Variants in TGFBR3 observed in about 807,000 individuals in gnomAD.
TGFBR3 encodes the protein transforming growth factor beta receptor 3.
A neutral mutation model predicts 87.9 loss-of-function variants in TGFBR3; 46 were observed. The observed-to-expected ratio is 0.52, with a 90% CI of 0.41 to 0.67. The LOEUF is 0.67. TGFBR3 is among the 30% of genes least tolerant of loss of function. The pLI is 0.00. For missense variants in TGFBR3, 866 were observed against 1,041.9 expected (o/e 0.83, Z 2.32); for synonymous variants, 381 against 391.6 (o/e 0.97, Z 0.32).
chr1:91,823,801 T>C (rs1306295893), intron 2 of TGFBR3, among the ~76,000 whole-genome samples: 1 of 152,246 alleles, frequency 6.6e-6, no homozygotes, highest in Non-Finnish European at 1.5e-5. Flanking sequence ...CACAGGCATA[T>C]GTATTCATTA....
chr1:91,770,108 A>T (rs1413053907), intron 3 of TGFBR3, among the ~76,000 whole-genome samples: 1 of 152,196 alleles, frequency 6.6e-6, no homozygotes, highest in Non-Finnish European at 1.5e-5. Flanking sequence ...AGAAACTCAT[A>T]GCACATTTTC....
Position 91,712,342 on chromosome 1 carries a change from G to T in TGFBR3, c.2067C>A (p.Ser689Arg), listed in dbSNP as rs1380270562. Residue 689 changes from serine to arginine, a missense_variant, in exon 13 of 17, where the codon AGC (serine) becomes AGA (arginine). Coordinates refer to ENST00000212355, the MANE Select transcript of TGFBR3 (RefSeq NM_003243.5). ...PQADMDKKRF[S>R]FVFKPVFNTS... is the part of the protein sequence containing the mutation. ...TGTTGAAGACAGGCTTGAAGACAAAGCTGAATCGCTTCTTATCCATGTCAG... is the reference window on the plus strand; with the variant it reads ...TGTTGAAGACAGGCTTGAAGACAAATCTGAATCGCTTCTTATCCATGTCAG... 3 of 1,614,082 alleles carry T rather than the reference G, an allele frequency of 1.9e-6. No individual in the cohort carries two copies. Among genetic ancestry groups the T allele is most frequent in the Non-Finnish European group, 2.5e-6 (3 of 1,180,016 alleles).
At chr1:91,730,016 C>T (rs1251904107) in intron 5 of TGFBR3, 43 bp from the exon 6 acceptor site, 43 of 1,610,274 alleles carry the variant, frequency 2.7e-5, no homozygotes, top group Non-Finnish European at 3.5e-5. Flanking sequence ...CTGAGGTACT[C>T]GGTAACCAGA....
At chr1:91,880,726 T>A (rs899657433) in intron 1 of TGFBR3, among the ~76,000 whole-genome samples, 12 of 152,004 alleles carry the variant, frequency 7.9e-5, no homozygotes, top group African/African-American at 2.9e-4. Flanking sequence ...AGCTAATAAA[T>A]CTGACAGCCA....
upstream of TGFBR3, among the ~76,000 whole-genome samples, chr1:91,887,262 T>TTTTG (rs1165045165): frequency 5.6e-5 from 7 of 125,210 alleles, 1 homozygote; most frequent in African/African-American, 2.1e-4. Context: ...TTTTTTTTTT[T>TTTTG]TGAGATGGAG....
At chr1:91,756,887 G>A (rs1673765678) in intron 4 of TGFBR3, among the ~76,000 whole-genome samples, 2 of 151,948 alleles carry the variant, frequency 1.3e-5, no homozygotes, top group African/African-American at 4.8e-5. Flanking sequence ...TGAATGATCT[G>A]ACCTTTTAGC....
chr1:91,737,037 G>A (rs758910290), intron 4 of TGFBR3, among the ~76,000 whole-genome samples: 13 of 152,346 alleles, frequency 8.5e-5, no homozygotes, highest in Admixed American at 6.5e-5. Flanking sequence ...GAGCGATGCC[G>A]TGATGAAGCT....
intron 2 of TGFBR3, among the ~76,000 whole-genome samples, chr1:91,892,680 C>T (rs1044323824): frequency 1.3e-5 from 2 of 152,192 alleles, no homozygotes; most frequent in African/African-American, 4.8e-5. Context: ...GGCACCATCT[C>T]ATCCTCGGAT....
chr1:91,828,703 A>C (rs756020504), intron 2 of TGFBR3, among the ~76,000 whole-genome samples: 5 of 152,158 alleles, frequency 3.3e-5, no homozygotes, highest in Non-Finnish European at 7.3e-5. Context: ...CACACTACTA[A>C]AGTTAAGGAG....
chr1:91,742,357 G>A (rs575362416), intron 4 of TGFBR3, among the ~76,000 whole-genome samples: 1 of 152,338 alleles, frequency 6.6e-6, no homozygotes, highest in African/African-American at 2.4e-5. Context: ...TGGGCATGAA[G>A]CAAGGACCCA....
chr1:91,749,977 C>T (rs1272765673), intron 4 of TGFBR3, among the ~76,000 whole-genome samples: 1 of 152,200 alleles, frequency 6.6e-6, no homozygotes, highest in African/African-American at 2.4e-5. Flanking sequence ...CCAGATTAGC[C>T]TTAGACAATA....
At chr1:91,729,156 C>T (rs1188660703) in intron 6 of TGFBR3, among the ~76,000 whole-genome samples, 46 of 59,724 alleles carry the variant, frequency 7.7e-4, no homozygotes, top group African/African-American at 3.2e-3. Flanking sequence ...AGCATACACA[C>T]ACACACACAC....
At chr1:91,724,191 GA>G (rs1233914528) in intron 7 of TGFBR3, among the ~76,000 whole-genome samples, 1 of 151,774 alleles carries the variant, frequency 6.6e-6, no homozygotes, top group East Asian at 1.9e-4. Flanking sequence ...CTCCAATTCA[GA>G]AAAAAACTCC....
At position 91,683,657 on chromosome 1, in the gene TGFBR3, G is replaced by A; in HGVS notation, c.*82C>T. The A allele has an allele frequency of 8.6e-7, 1 of 1,157,858 alleles. No individual in the cohort carries two copies. The highest frequency in any genetic ancestry group is 1.2e-6 in the Non-Finnish European group (1 of 808,170). The allele number at this position is 1,157,858 out of a possible 1,614,324, so 71.7% of individuals were successfully genotyped here. A position where few individuals can be genotyped will look rare whatever the true frequency, so the allele number is the denominator to read the frequency against. ...TCCAGCCCTCTGAGTCTGGACACGA[G>A]GCTCAGCCATTGGTCCTGCCCTTGG... On this transcript the variant is annotated 3_prime_UTR_variant, in exon 17 of 17. Coordinates refer to ENST00000212355, the MANE Select transcript of TGFBR3 (RefSeq NM_003243.5).
chr1:91,860,870 T>A (rs567021411), intron 2 of TGFBR3, among the ~76,000 whole-genome samples: 1 of 129,464 alleles, frequency 7.7e-6, no homozygotes, highest in Non-Finnish European at 1.5e-5. Context: ...AGGAGGAGGT[T>A]GCAGTGAGCC....
intron 2 of TGFBR3, among the ~76,000 whole-genome samples, chr1:91,851,267 G>C (rs887854800): frequency 6.6e-6 from 1 of 152,152 alleles, no homozygotes; most frequent in Non-Finnish European, 1.5e-5. Context: ...CAGCCCTCTA[G>C]AATTCCACCT....
rs373481752 is a variant in TGFBR3 at position 91,758,754 on chromosome 1, G to A, written c.247-4C>T. 21 of 1,613,722 alleles carry A rather than the reference G, an allele frequency of 1.3e-5. No homozygotes were observed. Among genetic ancestry groups the A allele is most frequent in the Non-Finnish European group, 1.7e-5 (20 of 1,179,856 alleles). ...TGGGATTCAGGTGAAGTGTGACCTAGGAAGCAACAGAAAGAGGGCAGAAAT... is the reference window on the plus strand; with the variant it reads ...TGGGATTCAGGTGAAGTGTGACCTAAGAAGCAACAGAAAGAGGGCAGAAAT... On this transcript the variant is annotated splice_polypyrimidine_tract_variant and splice_region_variant and intron_variant, in intron 3 of 16. Coordinates refer to ENST00000212355, the MANE Select transcript of TGFBR3 (RefSeq NM_003243.5).
intron 2 of TGFBR3, among the ~76,000 whole-genome samples, chr1:91,846,940 A>C (rs1677524391): frequency 6.6e-6 from 1 of 152,156 alleles, no homozygotes; most frequent in Admixed American, 6.5e-5. Context: ...GGGGGGCAAA[A>C]AGAAAAAATA....
chr1:91,883,734 CAAAACAGGA>C (rs1679187184), intron 1 of TGFBR3, among the ~76,000 whole-genome samples: 2 of 145,662 alleles, frequency 1.4e-5, no homozygotes, highest in Admixed American at 1.4e-4. Context: ...CAGATTCCAT[CAAAACAGGA>C]AAAATTAAAG....
Sources: allele counts gnomAD v4.1 joint callset (sites outside exome capture counted in the v4.1 genomes callset), GRCh38; gene constraint gnomAD v4.1.1; transcripts MANE v1.5; gene names NCBI Gene and HGNC (gene_info 2026-07-23, HGNC 2026-07-21).